ZNF385B: variants seen among roughly 807,000 people sequenced by gnomAD.
ZNF385B encodes the protein zinc finger protein 533.
ZNF385B carries 23 observed loss-of-function variants against 39.2 expected under a neutral mutation model. That is an observed-to-expected ratio of 0.59 (90% CI 0.42 to 0.83). The LOEUF is 0.83. Among genes scored for constraint, ZNF385B ranks in the 40% least tolerant of loss-of-function variants. ZNF385B has a pLI of 0.00. For missense variants in ZNF385B, 552 were observed against 598.9 expected (o/e 0.92, Z 0.82); for synonymous variants, 205 against 222.6 (o/e 0.92, Z 0.70).
chr2:179,734,096 T>C (rs180996463), intron 3 of ZNF385B, among the ~76,000 whole-genome samples: 14 of 152,346 alleles, frequency 9.2e-5, no homozygotes, highest in Admixed American at 8.5e-4. Context: ...TATCTTATTA[T>C]TTTAAATTAC....
intron 3 of ZNF385B, among the ~76,000 whole-genome samples, chr2:179,713,690 G>C (rs1438640504): frequency 1.3e-5 from 2 of 152,142 alleles, no homozygotes; most frequent in African/African-American, 2.4e-5. Context: ...CATAAGGCTT[G>C]GCACAAAATA....
At chr2:179,692,065 A>G (rs185115851) in intron 3 of ZNF385B, among the ~76,000 whole-genome samples, 3 of 152,236 alleles carry the variant, frequency 2.0e-5, no homozygotes, top group East Asian at 1.9e-4. Context: ...ATTATTAACC[A>G]TAGTCACCTT....
chr2:179,746,488 G>C (rs561326904), intron 3 of ZNF385B, among the ~76,000 whole-genome samples: 1 of 152,148 alleles, frequency 6.6e-6, no homozygotes, highest in East Asian at 1.9e-4. Flanking sequence ...TTAAAATAAT[G>C]GTGATAGTTA....
At chr2:179,505,817 TTAA>T (rs1448229580) in intron 5 of ZNF385B, among the ~76,000 whole-genome samples, 1 of 152,042 alleles carries the variant, frequency 6.6e-6, no homozygotes. Context: ...TTGCATTTGT[TTAA>T]AAACAATAAA....
intron 6 of ZNF385B, among the ~76,000 whole-genome samples, chr2:179,449,672 C>A (rs2049880883): frequency 6.6e-6 from 1 of 152,244 alleles, no homozygotes; most frequent in East Asian, 1.9e-4. Context: ...AATGGCCATA[C>A]TGCCCAAGGT....
At chr2:179,819,476 G>A (rs952272044) in intron 1 of ZNF385B, among the ~76,000 whole-genome samples, 2 of 152,134 alleles carry the variant, frequency 1.3e-5, no homozygotes, top group Non-Finnish European at 2.9e-5. Context: ...CTGCCACTGT[G>A]CTTCATAATC....
chr2:179,465,173 CCT>C (rs1171353990), intron 6 of ZNF385B, among the ~76,000 whole-genome samples: 6 of 152,048 alleles, frequency 3.9e-5, no homozygotes, highest in Non-Finnish European at 5.9e-5. Flanking sequence ...TGAAATTTCC[CCT>C]GACTGGTTCT....
intron 1 of ZNF385B, among the ~76,000 whole-genome samples, chr2:179,810,198 A>C (rs1300590944): frequency 6.6e-6 from 1 of 151,914 alleles, no homozygotes; most frequent in African/African-American, 2.4e-5. Flanking sequence ...AGCTTTTAAA[A>C]AAAATTTTTA....
intron 3 of ZNF385B, among the ~76,000 whole-genome samples, chr2:179,723,542 G>A (rs1559131652): frequency 6.6e-6 from 1 of 152,092 alleles, no homozygotes; most frequent in South Asian, 2.1e-4. Context: ...ACATCAAAAA[G>A]TATGAATCTT....
At chr2:179,685,652 C>T (rs1045390231) in intron 3 of ZNF385B, among the ~76,000 whole-genome samples, 1 of 139,682 alleles carries the variant, frequency 7.2e-6, no homozygotes, top group Non-Finnish European at 1.6e-5. Flanking sequence ...TTGATAAATG[C>T]TACATTTTAA....
intron 4 of ZNF385B, among the ~76,000 whole-genome samples, chr2:179,530,345 G>C (rs937698731): frequency 1.3e-5 from 2 of 152,198 alleles, no homozygotes; most frequent in Non-Finnish European, 1.5e-5. Context: ...GATACTTATA[G>C]ATGTAGTTTA....
intron 3 of ZNF385B, among the ~76,000 whole-genome samples, chr2:179,619,869 A>G (rs1455659257): frequency 6.6e-6 from 1 of 152,186 alleles, no homozygotes; most frequent in Non-Finnish European, 1.5e-5. Context: ...CATCCAACAC[A>G]ATGTGAGTAA....
At chr2:179,569,348 T>C (rs1476661534) in intron 3 of ZNF385B, among the ~76,000 whole-genome samples, 2 of 152,242 alleles carry the variant, frequency 1.3e-5, no homozygotes, top group African/African-American at 4.8e-5. Context: ...ATGCATATTT[T>C]ACTTTTAAAC....
intron 3 of ZNF385B, among the ~76,000 whole-genome samples, chr2:179,707,068 G>A (rs1466887848): frequency 6.6e-6 from 1 of 152,188 alleles, no homozygotes; most frequent in Non-Finnish European, 1.5e-5. Context: ...TCCTGTCCTA[G>A]CTGCACATCC....
chr2:179,476,041 A>G (rs994774360), intron 6 of ZNF385B, among the ~76,000 whole-genome samples: 4 of 143,096 alleles, frequency 2.8e-5, no homozygotes, highest in Non-Finnish European at 4.6e-5. Context: ...AAAAAAAAAA[A>G]GCGGACCCAG....
At chr2:179,452,153 G>A (rs2050212580) in intron 6 of ZNF385B, among the ~76,000 whole-genome samples, 1 of 152,096 alleles carries the variant, frequency 6.6e-6, no homozygotes, top group Non-Finnish European at 1.5e-5. Flanking sequence ...ATGCATCCAA[G>A]TGAATTTATT....
At chr2:179,584,625 G>A (rs896683166) in intron 3 of ZNF385B, among the ~76,000 whole-genome samples, 1 of 152,202 alleles carries the variant, frequency 6.6e-6, no homozygotes, top group African/African-American at 2.4e-5. Context: ...GAGTGGGGAA[G>A]TATGCATGAG....
chr2:179,776,325 G>A (rs1704313156), intron 1 of ZNF385B, among the ~76,000 whole-genome samples: 1 of 152,178 alleles, frequency 6.6e-6, no homozygotes, highest in South Asian at 2.1e-4. Context: ...AGGAGGCCTA[G>A]GATCTAGACA....
intron 3 of ZNF385B, among the ~76,000 whole-genome samples, chr2:179,561,740 C>T (rs2061349369): frequency 6.6e-6 from 1 of 152,020 alleles, no homozygotes; most frequent in South Asian, 2.1e-4. Context: ...CAAATTATAC[C>T]TACTCTTATA....
Sources: gnomAD v4.1 joint callset for allele counts (sites outside exome capture counted in the v4.1 genomes callset) on GRCh38, gnomAD v4.1.1 for gene constraint, MANE v1.5 for transcripts, NCBI Gene and HGNC (gene_info 2026-07-23, HGNC 2026-07-21) for gene names.